Variants in CTNNA3 observed in about 807,000 individuals in gnomAD.
CTNNA3 encodes catenin alpha-3.
A neutral mutation model predicts 95.7 loss-of-function variants in CTNNA3; 76 were observed. That is an observed-to-expected ratio of 0.79 (90% CI 0.66 to 0.96). CTNNA3 has a LOEUF of 0.96. CTNNA3 is among the 40% of genes least tolerant of loss of function. CTNNA3 has a pLI of 0.00. For synonymous variants in CTNNA3, 431 were observed against 374.4 expected (o/e 1.15, Z -1.74); for missense variants, 1,191 against 1,089.8 (o/e 1.09, Z -1.31).
chr10:67,476,761 C>A (rs1848030624), intron 5 of CTNNA3, among the ~76,000 whole-genome samples: 1 of 151,576 alleles, frequency 6.6e-6, no homozygotes, highest in Non-Finnish European at 1.5e-5. Flanking sequence ...ATAGTGGGGC[C>A]CTATGTACTC....
chr10:66,208,191 G>T (rs143637395), intron 13 of CTNNA3, among the ~76,000 whole-genome samples: 4 of 152,066 alleles, frequency 2.6e-5, no homozygotes, highest in African/African-American at 9.7e-5. Flanking sequence ...CATCTGCGGG[G>T]TAAGAATTAA....
intron 7 of CTNNA3, among the ~76,000 whole-genome samples, chr10:66,779,292 A>C (rs1589246025): frequency 6.6e-6 from 1 of 151,608 alleles, no homozygotes; most frequent in Non-Finnish European, 1.5e-5. Flanking sequence ...CTCTCTTTTC[A>C]TTTCTTGTCT....
intron 13 of CTNNA3, among the ~76,000 whole-genome samples, chr10:66,239,099 G>A (rs920733309): frequency 1.3e-5 from 2 of 151,434 alleles, no homozygotes; most frequent in Non-Finnish European, 3.0e-5. Flanking sequence ...AAAGAAATAA[G>A]AACTATAATA....
At chr10:66,824,484 G>A (rs984069982) in intron 7 of CTNNA3, among the ~76,000 whole-genome samples, 2 of 152,058 alleles carry the variant, frequency 1.3e-5, no homozygotes, top group Non-Finnish European at 2.9e-5. Flanking sequence ...AGGCTGAAAT[G>A]GTTAAGTATG....
intron 10 of CTNNA3, among the ~76,000 whole-genome samples, chr10:66,527,664 G>C: frequency 6.6e-6 from 1 of 151,984 alleles, no homozygotes; most frequent in Non-Finnish European, 1.5e-5. Context: ...CTTTCGTTAA[G>C]CTTATTCCTA....
At chr10:66,037,271 T>C (rs2079584244) in intron 15 of CTNNA3, among the ~76,000 whole-genome samples, 1 of 152,144 alleles carries the variant, frequency 6.6e-6, no homozygotes, top group South Asian at 2.1e-4. Flanking sequence ...CCCTTCAGGG[T>C]CAGAATAGTT....
chr10:66,681,992 G>A (rs1847082199), intron 9 of CTNNA3, among the ~76,000 whole-genome samples: 1 of 152,120 alleles, frequency 6.6e-6, no homozygotes, highest in Non-Finnish European at 1.5e-5. Flanking sequence ...CTAGTACAAG[G>A]CCACTGCAGC....
intron 7 of CTNNA3, among the ~76,000 whole-genome samples, chr10:66,901,396 C>G (rs1845738540): frequency 6.6e-6 from 1 of 152,176 alleles, no homozygotes; most frequent in African/African-American, 2.4e-5. Flanking sequence ...TGGAAAGGAA[C>G]AACTGGTACC....
chr10:66,898,801 G>A (rs1191594899), intron 7 of CTNNA3, among the ~76,000 whole-genome samples: 2 of 152,054 alleles, frequency 1.3e-5, no homozygotes, highest in African/African-American at 4.8e-5. Flanking sequence ...CTTGGCAATG[G>A]GGCAATGATC....
chr10:66,370,170 C>T lies in CTNNA3; in HGVS notation c.1732+8982G>A, dbSNP rs138990156. Among the ~76,000 whole-genome samples, 31 of 152,160 alleles carry T rather than the reference C, an allele frequency of 2.0e-4. No individual in the cohort carries two copies. The East Asian group carries it at 2.9e-3, about 14-fold the overall frequency. ...TTCTCCAGCCTCAGTGACCTTGAAC[C>T]TCGAATTAAGTTTTACAGATGAGTA... On this transcript the variant is annotated intron_variant, in intron 12 of 17. Coordinates refer to ENST00000433211, the MANE Select transcript of CTNNA3 (RefSeq NM_013266.4).
At chr10:67,203,664 TA>T (rs1286227055) in intron 6 of CTNNA3, among the ~76,000 whole-genome samples, 1 of 152,178 alleles carries the variant, frequency 6.6e-6, no homozygotes, top group Non-Finnish European at 1.5e-5. Flanking sequence ...ATTATAAAAA[TA>T]TCTTGATTTT....
chr10:67,638,709 T>A (rs558641197), intron 2 of CTNNA3, among the ~76,000 whole-genome samples: 1 of 152,232 alleles, frequency 6.6e-6, no homozygotes, highest in Admixed American at 6.5e-5. Context: ...AGAAACTCAC[T>A]CAAAACCACT....
At position 66,424,655 on chromosome 10, in the gene CTNNA3, G is replaced by A. The variant is rs2093223867; in HGVS notation, c.1532-45303C>T. 3.3e-5 allele frequency among the ~76,000 whole-genome samples: 5 copies of A among 151,902 alleles called. No individual in the cohort carries two copies. The South Asian group carries it at 1.0e-3, about 31-fold the overall frequency. Reference sequence around the variant, plus strand: ...GTGTTGAGATAATGTAGTTTATAGTGACCTCACTTTTCGAAACTTGAAGAG... The same window carrying A: ...GTGTTGAGATAATGTAGTTTATAGTAACCTCACTTTTCGAAACTTGAAGAG... On this transcript the variant is annotated intron_variant, in intron 11 of 17. Coordinates refer to ENST00000433211, the MANE Select transcript of CTNNA3 (RefSeq NM_013266.4).
intron 7 of CTNNA3, among the ~76,000 whole-genome samples, chr10:67,164,243 T>G (rs1346976673): frequency 6.6e-6 from 1 of 152,096 alleles, no homozygotes; most frequent in Non-Finnish European, 1.5e-5. Flanking sequence ...CAATGCTTTG[T>G]GATATTGGCC....
At chr10:67,552,400 A>G (rs988880751) in intron 3 of CTNNA3, among the ~76,000 whole-genome samples, 1 of 151,896 alleles carries the variant, frequency 6.6e-6, no homozygotes, top group African/African-American at 2.4e-5. Flanking sequence ...CATGTGCAGG[A>G]TGTACAGGTT....
intron 5 of CTNNA3, 86 bp from the exon 6 acceptor site, chr10:67,219,956 T>A (rs1864576048): frequency 9.0e-7 from 1 of 1,105,490 alleles, no homozygotes; most frequent in African/African-American, 1.6e-5. Flanking sequence ...TTTGTAAGTA[T>A]AAATGAAAAG....
upstream of CTNNA3, among the ~76,000 whole-genome samples, chr10:67,699,776 A>T (rs113113551): frequency 0.12 from 19,005 of 152,172 alleles, 1,774 homozygotes; most frequent in African/African-American, 0.27. Context: ...TGGGCGCAGG[A>T]CAGTGGGTGC....
intron 3 of CTNNA3, among the ~76,000 whole-genome samples, chr10:67,570,366 T>G (rs937801140): frequency 6.6e-6 from 1 of 152,048 alleles, no homozygotes; most frequent in Admixed American, 6.6e-5. Context: ...TGAATTACAG[T>G]TGCTATATTG....
chr10:66,560,879 G>A (rs1486524), intron 10 of CTNNA3, among the ~76,000 whole-genome samples: 128,389 of 151,784 alleles, frequency 0.85, 55,043 homozygotes, highest in Non-Finnish European at 0.92. Context: ...CTCTTTTCTC[G>A]GCCATGTGAG....
Sources: allele counts gnomAD v4.1 joint callset (sites outside exome capture counted in the v4.1 genomes callset), GRCh38; gene constraint gnomAD v4.1.1; transcripts MANE v1.5; gene names NCBI Gene and HGNC (gene_info 2026-07-23, HGNC 2026-07-21).